Variants in RASA2 observed in about 807,000 individuals in gnomAD.
RASA2 encodes the protein RAS p21 protein activator 2, also known as ras GTPase-activating protein 2.
In RASA2, 155 loss-of-function variants were observed where a neutral mutation model predicts 118.2. The observed-to-expected ratio is 1.31, with a 90% CI of 1.15 to 1.50. The LOEUF is 1.50. RASA2 is among the 40% of genes most tolerant of loss of function. RASA2 has a pLI of 0.00. For missense variants in RASA2, 1,016 were observed against 1,009.6 expected (o/e 1.01, Z -0.09); for synonymous variants, 353 against 349.1 (o/e 1.01, Z -0.12).
intron 1 of RASA2, among the ~76,000 whole-genome samples, chr3:141,494,581 A>G (rs908761195): frequency 2.6e-5 from 4 of 152,048 alleles, no homozygotes; most frequent in African/African-American, 7.2e-5. Context: ...GTTGGCCAGG[A>G]TGGTCTCGAT....
At chr3:141,605,734 GA>G (rs2083537537) in intron 19 of RASA2, among the ~76,000 whole-genome samples, 1 of 151,154 alleles carries the variant, frequency 6.6e-6, no homozygotes, top group African/African-American at 2.4e-5. Context: ...TCTTCAGAGT[GA>G]TGAGTTTCCT....
intron 6 of RASA2, among the ~76,000 whole-genome samples, chr3:141,555,339 G>A (rs1216124688): frequency 6.6e-6 from 1 of 152,156 alleles, no homozygotes; most frequent in Non-Finnish European, 1.5e-5. Context: ...CACTGGGAGA[G>A]GCTGGGTAAA....
chr3:141,586,015 C>A lies in RASA2; in HGVS notation c.1753-10C>A. 2 of 1,599,948 alleles carry A rather than the reference C, an allele frequency of 1.3e-6. No homozygotes were observed. On this transcript the variant is annotated splice_polypyrimidine_tract_variant and intron_variant, in intron 17 of 23. Coordinates refer to ENST00000286364, the MANE Select transcript of RASA2 (RefSeq NM_006506.5). ...CACACAGTGTAATATTTGCCCATTT[C>A]CCCATTTAGTTCTTGGATGAAATTT... is the stretch of plus-strand genomic sequence containing the variant.
At chr3:141,527,364 A>C (rs1435087347) in intron 3 of RASA2, among the ~76,000 whole-genome samples, 1 of 152,144 alleles carries the variant, frequency 6.6e-6, no homozygotes, top group Non-Finnish European at 1.5e-5. Flanking sequence ...AAACTCTCTT[A>C]AAATTTTGTG....
At position 141,539,975 on chromosome 3, in the gene RASA2, CT is replaced by C. The variant is rs760828489; in HGVS notation, c.451-556del. On this transcript the variant is annotated intron_variant, in intron 4 of 23. Coordinates refer to ENST00000286364, the MANE Select transcript of RASA2 (RefSeq NM_006506.5). ...ATTGTACGCTGCTTGTAAGCAGTGA[CT>C]TACATCTTTAACATCTATGGATTCC... 6.6e-5 allele frequency among the ~76,000 whole-genome samples: 10 copies of C among 152,254 alleles called. No individual in the cohort carries two copies. The East Asian group carries it at 1.5e-3, about 23-fold the overall frequency.
intron 12 of RASA2, 110 bp downstream of exon 12, chr3:141,572,833 A>G: frequency 1.1e-6 from 1 of 902,100 alleles, no homozygotes; most frequent in Non-Finnish European, 1.7e-6. Flanking sequence ...TACTGAAAAA[A>G]TAGACTGAAC....
chr3:141,535,504 T>TA, intron 4 of RASA2, among the ~76,000 whole-genome samples: 1 of 152,222 alleles, frequency 6.6e-6, no homozygotes, highest in Non-Finnish European at 1.5e-5. Context: ...TACCTCTATA[T>TA]TAGTCCATTT....
intron 1 of RASA2, among the ~76,000 whole-genome samples, chr3:141,511,139 G>T (rs1466396716): frequency 2.6e-5 from 4 of 152,140 alleles, no homozygotes; most frequent in African/African-American, 9.7e-5. Flanking sequence ...GGGAGTTTGG[G>T]GAAATAGAGG....
At chr3:141,558,690 A>ATT (rs34856565) in intron 7 of RASA2, among the ~76,000 whole-genome samples, 196 bp from the exon 8 acceptor site, 24 of 150,274 alleles carry the variant, frequency 1.6e-4, no homozygotes, top group Non-Finnish European at 1.2e-4. Context: ...TATTATTTTG[A>ATT]TTTTTTTTTT....
intron 4 of RASA2, among the ~76,000 whole-genome samples, chr3:141,537,492 G>T (rs576355053): frequency 2.0e-4 from 31 of 152,212 alleles, no homozygotes; most frequent in Non-Finnish European, 3.5e-4. Context: ...TTTTAGGCTG[G>T]ATGCAGTGGC....
intron 5 of RASA2, 43 bp downstream of exon 5, chr3:141,540,652 C>T: frequency 6.6e-7 from 1 of 1,508,740 alleles, no homozygotes; most frequent in Non-Finnish European, 9.1e-7. Context: ...AATAATTCTC[C>T]ATTTTGTATT....
chr3:141,532,420 C>G (rs2082272589), intron 4 of RASA2, among the ~76,000 whole-genome samples: 1 of 152,046 alleles, frequency 6.6e-6, no homozygotes, highest in Admixed American at 6.6e-5. Context: ...TGGAAAGCTC[C>G]TAAAGAGTTT....
chr3:141,525,247 T>C (rs2082168882), intron 3 of RASA2: 1 of 152,190 alleles, frequency 6.6e-6, no homozygotes, highest in Admixed American at 6.5e-5. Flanking sequence ...GTCTGTGAGT[T>C]TGTCAGGACA....
chr3:141,582,746 T>G (rs2083135150), intron 17 of RASA2, among the ~76,000 whole-genome samples: 1 of 152,220 alleles, frequency 6.6e-6, no homozygotes, highest in South Asian at 2.1e-4. Flanking sequence ...TACAACAAGA[T>G]ATGTGCAGTG....
chr3:141,560,052 T>C, intron 9 of RASA2, 57 bp downstream of exon 9: 2 of 1,331,830 alleles, frequency 1.5e-6, no homozygotes, highest in South Asian at 1.3e-5. Context: ...GTACAGTATA[T>C]ATATGCAAAT....
Position 141,544,021 on chromosome 3 carries a change from A to G in RASA2, c.527+3412A>G, listed in dbSNP as rs142637769. On this transcript the variant is annotated intron_variant, in intron 5 of 23. Transcript: ENST00000286364. ...CTCCTAAGTAGCTGGAATTACAGGCATGCACCACCATGCCCAGCTAATTTT... is the reference window on the plus strand; with the variant it reads ...CTCCTAAGTAGCTGGAATTACAGGCGTGCACCACCATGCCCAGCTAATTTT... Among the ~76,000 whole-genome samples the G allele has an allele frequency of 4.4e-3, 666 of 151,848 alleles. 5 individuals carry two copies. Among genetic ancestry groups the G allele is most frequent in the African/African-American group, 0.015 (635 of 41,418 alleles).
chr3:141,584,675 T>C (rs563551697), intron 17 of RASA2, among the ~76,000 whole-genome samples: 3 of 152,306 alleles, frequency 2.0e-5, no homozygotes, highest in Admixed American at 2.0e-4. Flanking sequence ...GAAAATATTT[T>C]AGGCTTTGCT....
At chr3:141,559,361 A>T (rs1303833988) in intron 8 of RASA2, among the ~76,000 whole-genome samples, 2 of 152,092 alleles carry the variant, frequency 1.3e-5, no homozygotes, top group Non-Finnish European at 2.9e-5. Context: ...GTAAGAAGAT[A>T]ATTCAACAGG....
chr3:141,514,456 T>G lies in RASA2; in HGVS notation c.252-1872T>G, dbSNP rs562030049. Among the ~76,000 whole-genome samples, 11 of 152,304 alleles carry G rather than the reference T, an allele frequency of 7.2e-5. No individual in the cohort carries two copies. In the South Asian group the frequency reaches 2.3e-3, roughly 32 times the overall value. On this transcript the variant is annotated intron_variant, in intron 2 of 23. Transcript: ENST00000286364. ...GTCACAAGGGAACTTTCTGGGGAGA[T>G]AAAAATGTTTTGTATCTTGATTATA...
Sources: allele counts gnomAD v4.1 joint callset (sites outside exome capture counted in the v4.1 genomes callset), GRCh38; gene constraint gnomAD v4.1.1; transcripts MANE v1.5; gene names NCBI Gene and HGNC (gene_info 2026-07-23, HGNC 2026-07-21).